SGCZ: variants seen among roughly 807,000 people sequenced by gnomAD.
The protein encoded by SGCZ is zeta-sarcoglycan.
Under a neutral mutation model 41.3 loss-of-function variants are expected in SGCZ, and 40 were observed. That is an observed-to-expected ratio of 0.97 (90% CI 0.75 to 1.26). The LOEUF (loss-of-function observed/expected upper bound fraction) is 1.26. Ranked by LOEUF, SGCZ falls within the 50% of genes most tolerant of loss-of-function variation. SGCZ has a pLI of 0.00. For missense variants in SGCZ, 552 were observed against 369.8 expected, an observed-to-expected ratio of 1.49 and a Z score of -4.04; for synonymous variants, 206 against 137.5, an observed-to-expected ratio of 1.50 and a Z score of -3.49.
At chr8:14,821,773 T>C (rs952505227) in intron 1 of SGCZ, among the ~76,000 whole-genome samples, 2 of 151,814 alleles carry the variant, frequency 1.3e-5, no homozygotes, top group Admixed American at 6.6e-5. Flanking sequence ...CATCCCTTCA[T>C]GAAAAAAAAT....
intron 1 of SGCZ, among the ~76,000 whole-genome samples, chr8:15,111,788 T>G (rs1422764110): frequency 6.6e-6 from 1 of 151,644 alleles, no homozygotes; most frequent in Non-Finnish European, 1.5e-5. Flanking sequence ...TAATCCCAGC[T>G]ACTTGGGAGG....
intron 1 of SGCZ, among the ~76,000 whole-genome samples, chr8:14,907,920 T>C (rs1350185515): frequency 2.0e-5 from 3 of 152,178 alleles, no homozygotes; most frequent in Non-Finnish European, 4.4e-5. Context: ...AGAATAGTTA[T>C]TAATAGTACA....
intron 2 of SGCZ, among the ~76,000 whole-genome samples, chr8:14,542,615 A>G (rs1467699266): frequency 6.6e-6 from 1 of 152,110 alleles, no homozygotes; most frequent in Non-Finnish European, 1.5e-5. Flanking sequence ...GCAGTAAGGA[A>G]ATAGATTGTG....
chr8:14,132,095 T>C (rs778703259), intron 5 of SGCZ, among the ~76,000 whole-genome samples: 1 of 152,174 alleles, frequency 6.6e-6, no homozygotes, highest in Non-Finnish European at 1.5e-5. Context: ...GTCCATGTGA[T>C]GGTGTCCCAG....
chr8:15,128,783 T>C (rs1232497205), intron 1 of SGCZ, among the ~76,000 whole-genome samples: 1 of 152,200 alleles, frequency 6.6e-6, no homozygotes, highest in Non-Finnish European at 1.5e-5. Flanking sequence ...ATTCTTGGCC[T>C]CAGAAATGAC....
chr8:15,218,565 T>G (rs1251803829), intron 1 of SGCZ, among the ~76,000 whole-genome samples: 7 of 152,320 alleles, frequency 4.6e-5, no homozygotes, highest in East Asian at 1.9e-4. Context: ...CACTCTAGTC[T>G]CATCCCAGGA....
At chr8:14,480,238 C>T (rs573626523) in intron 2 of SGCZ, among the ~76,000 whole-genome samples, 24 of 152,282 alleles carry the variant, frequency 1.6e-4, no homozygotes, top group Admixed American at 4.6e-4. Flanking sequence ...TACACAATGC[C>T]AAGTGTAATA....
At chr8:14,310,232 G>C (rs921974031) in intron 3 of SGCZ, among the ~76,000 whole-genome samples, 1 of 152,038 alleles carries the variant, frequency 6.6e-6, no homozygotes, top group Admixed American at 6.6e-5. Flanking sequence ...TCTGATTTCA[G>C]TTTTTGATTT....
intron 1 of SGCZ, among the ~76,000 whole-genome samples, chr8:14,862,743 C>T (rs117339177): frequency 8.4e-4 from 128 of 151,598 alleles, no homozygotes; most frequent in Middle Eastern, 3.4e-3. Flanking sequence ...TCAAAGAGGC[C>T]TTTCTCACAT....
intron 1 of SGCZ, among the ~76,000 whole-genome samples, chr8:14,962,484 T>C (rs956054971): frequency 9.9e-5 from 15 of 152,244 alleles, no homozygotes; most frequent in African/African-American, 3.6e-4. Flanking sequence ...ATAAATGTCA[T>C]AGAAGTTTCT....
intron 1 of SGCZ, among the ~76,000 whole-genome samples, chr8:15,117,100 A>T (rs935805312): frequency 2.0e-5 from 3 of 152,216 alleles, no homozygotes; most frequent in African/African-American, 7.2e-5. Flanking sequence ...GGCAGGGCGC[A>T]GTGGCTCATG....
chr8:14,090,637 T>C lies in SGCZ; in HGVS notation c.745A>G (p.Ile249Val). 9 of 1,607,016 alleles carry C rather than the reference T, an allele frequency of 5.6e-6. No individual in the cohort carries two copies. Among genetic ancestry groups the C allele is most frequent in the South Asian group, 1.1e-5 (1 of 90,302 alleles). ...ELHLQSTEGE[I>V]FLNAETIKLG... ...TTGATTGTCTCTGCATTTAAAAATATCTATGGGAAAAAAGAAATTGCATTT... is the reference window on the plus strand; with the variant it reads ...TTGATTGTCTCTGCATTTAAAAATACCTATGGGAAAAAAGAAATTGCATTT... The change falls in exon 8 of 8, where the codon ATA becomes GTA. Residue 249 changes from isoleucine to valine, a missense_variant and splice_region_variant. Ile to Val is a conservative substitution (Grantham distance 29). Transcript: ENST00000382080.
chr8:14,259,026 T>C (rs1799560231), intron 3 of SGCZ, among the ~76,000 whole-genome samples: 4 of 152,202 alleles, frequency 2.6e-5, no homozygotes, highest in Admixed American at 2.6e-4. Context: ...TCCTGTTTGA[T>C]TCCAAAACGT....
intron 1 of SGCZ, among the ~76,000 whole-genome samples, chr8:14,912,585 T>C (rs1408360683): frequency 1.3e-5 from 2 of 152,098 alleles, no homozygotes; most frequent in Non-Finnish European, 2.9e-5. Context: ...CATGGTTACT[T>C]ACTTGTCAAA....
chr8:14,501,453 C>G (rs1244365538), intron 2 of SGCZ, among the ~76,000 whole-genome samples: 4 of 151,744 alleles, frequency 2.6e-5, no homozygotes, highest in African/African-American at 7.3e-5. Flanking sequence ...TTTATTTATG[C>G]CTACAAATTA....
chr8:14,349,174 T>C (rs1250504934), intron 2 of SGCZ, among the ~76,000 whole-genome samples: 1 of 152,248 alleles, frequency 6.6e-6, no homozygotes, highest in Non-Finnish European at 1.5e-5. Context: ...CTAACCAATA[T>C]GCATAGTAAT....
At chr8:14,923,903 G>C (rs1446159123) in intron 1 of SGCZ, among the ~76,000 whole-genome samples, 2 of 152,172 alleles carry the variant, frequency 1.3e-5, no homozygotes, top group African/African-American at 4.8e-5. Context: ...TTGAATGCAA[G>C]GGATTTGAGA....
chr8:14,582,782 G>A (rs1294487168), intron 1 of SGCZ, among the ~76,000 whole-genome samples: 3 of 150,376 alleles, frequency 2.0e-5, no homozygotes, highest in Admixed American at 1.3e-4. Flanking sequence ...CCTTGCGATA[G>A]TTTACTGAGA....
At chr8:14,854,443 C>T (rs1041615028) in intron 1 of SGCZ, among the ~76,000 whole-genome samples, 2 of 152,024 alleles carry the variant, frequency 1.3e-5, no homozygotes, top group Admixed American at 6.6e-5. Context: ...TAAAAATATA[C>T]ACATTTATTT....
Sources: allele counts gnomAD v4.1 joint callset (sites outside exome capture counted in the v4.1 genomes callset), GRCh38; gene constraint gnomAD v4.1.1; transcripts MANE v1.5; gene names NCBI Gene and HGNC (gene_info 2026-07-23, HGNC 2026-07-21).